The following CCDC63 variants were observed in gnomAD, a reference collection of about 807,000 sequenced individuals.
CCDC63 encodes the protein coiled-coil domain containing 63.
Under a neutral mutation model 63.6 loss-of-function variants are expected in CCDC63, and 54 were observed. The observed-to-expected ratio is 0.85, with a 90% CI of 0.68 to 1.07. The LOEUF is 1.07. Ranked by LOEUF, CCDC63 falls within the 50% of genes least tolerant of loss-of-function variation. CCDC63 has a pLI of 0.00. For synonymous variants in CCDC63, 253 were observed against 266.1 expected (o/e 0.95, Z 0.48); for missense variants, 637 against 689.6 (o/e 0.92, Z 0.86).
intron 2 of CCDC63, 96 bp from the exon 3 acceptor site, chr12:110,853,309 C>A: frequency 7.9e-7 from 1 of 1,261,302 alleles, no homozygotes; most frequent in Non-Finnish European, 1.1e-6. Flanking sequence ...AGCCATGGCC[C>A]AGCCACCCCC....
In CCDC63 at chr12:110,889,728, A is replaced by T. The variant is rs1275327294; in HGVS notation, c.1075-3348A>T. Among the ~76,000 whole-genome samples, 1 of 152,146 alleles carries T rather than the reference A, an allele frequency of 6.6e-6. No homozygotes were observed. The highest frequency in any genetic ancestry group is 1.5e-5 in the Non-Finnish European group (1 of 68,026). The stretch of plus-strand genomic sequence containing the variant: ...GGGAGCGGTGCCATCGACTCAGGTT[A>T]TTGATGCAATTTGCAAAATAGTAAA... On this transcript the variant is annotated intron_variant, in intron 8 of 11. Transcript: ENST00000308208. The surrounding 1 kb of genome is among the most constrained non-coding windows in gnomAD (Gnocchi z 4.1).
At chr12:110,853,146 T>C (rs1001364484) in intron 2 of CCDC63, among the ~76,000 whole-genome samples, 183 bp downstream of exon 2, 4 of 151,990 alleles carry the variant, frequency 2.6e-5, no homozygotes, top group African/African-American at 9.7e-5. Flanking sequence ...GATGGCACAG[T>C]CAGAGTTTGA....
chr12:110,907,249 T>C lies in CCDC63; in HGVS notation c.1547-82T>C. 1 of 1,424,892 alleles carries C rather than the reference T, an allele frequency of 7.0e-7. No individual in the cohort carries two copies. The highest frequency in any genetic ancestry group is 9.6e-7 in the Non-Finnish European group (1 of 1,039,920). The allele number at this position is 1,424,892 out of a possible 1,614,324, so 88.3% of individuals were successfully genotyped here. A position where few individuals can be genotyped will look rare whatever the true frequency, so the allele number is the denominator to read the frequency against. ...ATTTCCATGCTCCACTCCCCAGTGC[T>C]ATGGAGGGACGCCAAACCAGGCTTA... On this transcript the variant is annotated intron_variant, in intron 11 of 11. Coordinates refer to ENST00000308208, the MANE Select transcript of CCDC63 (RefSeq NM_152591.3). The surrounding 1 kb of genome is among the most constrained non-coding windows in gnomAD (Gnocchi z 4.4).
intron 5 of CCDC63, among the ~76,000 whole-genome samples, chr12:110,879,237 G>T (rs898794134): frequency 6.6e-6 from 1 of 152,280 alleles, no homozygotes; most frequent in East Asian, 1.9e-4. Flanking sequence ...TCCAGTCAAG[G>T]TTCACATAAT....
intron 8 of CCDC63, among the ~76,000 whole-genome samples, chr12:110,890,293 AC>A (rs2071339943): frequency 6.6e-6 from 1 of 151,338 alleles, no homozygotes; most frequent in Non-Finnish European, 1.5e-5. Flanking sequence ...AGAGAGCAAG[AC>A]CCTGTCTCAA....
chr12:110,877,136 A>G (rs573717261), intron 5 of CCDC63, among the ~76,000 whole-genome samples: 26 of 152,298 alleles, frequency 1.7e-4, no homozygotes, highest in African/African-American at 6.0e-4. Context: ...CTGTTATCTC[A>G]CATAGTTACC....
chr12:110,877,169 A>C (rs1322405683), intron 5 of CCDC63, among the ~76,000 whole-genome samples: 1 of 152,078 alleles, frequency 6.6e-6, no homozygotes, highest in Non-Finnish European at 1.5e-5. Flanking sequence ...TGTGACAAGA[A>C]CCTCTAAAAT....
intron 10 of CCDC63, 115 bp from the exon 11 acceptor site, chr12:110,904,473 C>A: frequency 1.2e-6 from 1 of 830,322 alleles, no homozygotes; most frequent in Non-Finnish European, 2.0e-6. Context: ...AGCCCAGATC[C>A]CGCACCTCCT....
Position 110,907,450 on chromosome 12 carries a change from A to T in CCDC63, c.1666A>T (p.Arg556Ter), listed in dbSNP as rs2071607626. ...DSLPEKVDDF[R>*]SRKKVTM ...CCTGCCTGAGAAGGTGGATGACTTC[A>T]GATCCAGGAAGAAAGTAACCATGTG... is the stretch of plus-strand genomic sequence containing the variant. Residue 556 changes from arginine to a stop codon, truncating the protein, a stop_gained, in exon 12 of 12, where the codon AGA (arginine) becomes TGA (stop). Transcript: ENST00000308208. LOFTEE classifies it high-confidence loss of function. This position sits in a 1 kb window ranked among gnomAD's most constrained non-coding sequence, Gnocchi z 4.4. 5 of 1,614,218 alleles carry T rather than the reference A, an allele frequency of 3.1e-6. No individual in the cohort carries two copies. Among genetic ancestry groups the T allele is most frequent in the Non-Finnish European group, 4.2e-6 (5 of 1,180,028 alleles).
intron 9 of CCDC63, among the ~76,000 whole-genome samples, chr12:110,897,103 C>G (rs768217200): frequency 2.6e-5 from 4 of 152,036 alleles, no homozygotes; most frequent in Non-Finnish European, 5.9e-5. Context: ...TGAGATAGAA[C>G]AGAACAGAAG....
intron 4 of CCDC63, 74 bp downstream of exon 4, chr12:110,858,849 C>G (rs188184171): frequency 7.5e-7 from 1 of 1,334,044 alleles, no homozygotes; most frequent in Non-Finnish European, 1.1e-6. Flanking sequence ...ATTCGTGATG[C>G]CTTAGGCCAG....
chr12:110,883,603 TA>T (rs533089534), intron 7 of CCDC63, among the ~76,000 whole-genome samples: 1,608 of 142,530 alleles, frequency 0.011, 13 homozygotes, highest in Non-Finnish European at 0.014. Flanking sequence ...ACTATATATA[TA>T]TTTTTTTGTT....
intron 10 of CCDC63, among the ~76,000 whole-genome samples, chr12:110,902,421 T>A (rs1274572644): frequency 6.6e-6 from 1 of 152,182 alleles, no homozygotes; most frequent in Non-Finnish European, 1.5e-5. Flanking sequence ...TTGCTGCCCC[T>A]GCATCTTGTT....
intron 9 of CCDC63, among the ~76,000 whole-genome samples, chr12:110,898,231 G>A (rs575267140): frequency 5.3e-5 from 8 of 152,016 alleles, no homozygotes; most frequent in East Asian, 1.9e-4. Context: ...GCAGTGAGCC[G>A]AGATTGGGCC....
chr12:110,883,442 T>C (rs889587581), intron 7 of CCDC63, among the ~76,000 whole-genome samples: 8 of 152,188 alleles, frequency 5.3e-5, no homozygotes, highest in Non-Finnish European at 7.3e-5. Flanking sequence ...TGAGCTACCA[T>C]GCCCGGCCAG....
intron 4 of CCDC63, among the ~76,000 whole-genome samples, chr12:110,862,206 G>A (rs2283351): frequency 0.62 from 93,865 of 152,178 alleles, 31,294 homozygotes; most frequent in African/African-American, 0.89. Context: ...GCATTAGGAA[G>A]AGGCAACACA....
At chr12:110,868,018 G>A (rs2070998832) in intron 4 of CCDC63, among the ~76,000 whole-genome samples, 1 of 148,366 alleles carries the variant, frequency 6.7e-6, no homozygotes, top group Non-Finnish European at 1.5e-5. Context: ...TCTCAGACGG[G>A]GCGGCCGGGC....
chr12:110,890,614 C>T (rs939354787), intron 8 of CCDC63, among the ~76,000 whole-genome samples: 1 of 143,840 alleles, frequency 7.0e-6, no homozygotes, highest in African/African-American at 2.6e-5. Context: ...TGTGGTTACA[C>T]GTTTGCACAC....
At chr12:110,848,058 G>A (rs150151991) in intron 1 of CCDC63, among the ~76,000 whole-genome samples, 4 of 152,326 alleles carry the variant, frequency 2.6e-5, no homozygotes, top group Non-Finnish European at 5.9e-5. Flanking sequence ...ACTTTTCCTC[G>A]CACACGCTGT....
Sources: gnomAD v4.1 joint callset for allele counts (sites outside exome capture counted in the v4.1 genomes callset) on GRCh38, gnomAD v4.1.1 for gene constraint, Gnocchi (gnomAD v3.1) non-coding constraint, MANE v1.5 for transcripts, NCBI Gene and HGNC (gene_info 2026-07-23, HGNC 2026-07-21) for gene names.